KIAA1328: variants seen among roughly 807,000 people sequenced by gnomAD.
The protein encoded by KIAA1328 is KIAA1328.
KIAA1328 carries 52 observed loss-of-function variants against 68.1 expected under a neutral mutation model. That is an observed-to-expected ratio of 0.76 (90% CI 0.61 to 0.96). KIAA1328 has a LOEUF of 0.96. Among genes scored for constraint, KIAA1328 ranks in the 40% least tolerant of loss-of-function variants. The pLI is 0.00. For missense variants in KIAA1328, 641 were observed against 677.6 expected (o/e 0.95, Z 0.60); for synonymous variants, 232 against 239.4 (o/e 0.97, Z 0.28).
At position 36,829,209 on chromosome 18, in the gene KIAA1328, C is replaced by A; in HGVS notation, c.58+13C>A. On this transcript the variant is annotated intron_variant, in intron 1 of 9. Coordinates refer to ENST00000280020, the MANE Select transcript of KIAA1328 (RefSeq NM_020776.3). ...TGGAGCCGGGACTGTATCCTTTGCCCGCCTGACAGGGGGCGCCGGCGCCCT... is the reference window on the plus strand; with the variant it reads ...TGGAGCCGGGACTGTATCCTTTGCCAGCCTGACAGGGGGCGCCGGCGCCCT... 1.3e-6 allele frequency: 2 copies of A among 1,514,078 alleles called. No individual in the cohort carries two copies. Among genetic ancestry groups the A allele is most frequent in the Non-Finnish European group, 1.8e-6 (2 of 1,133,016 alleles). The allele number at this position is 1,514,078 out of a possible 1,614,324, so 93.8% of individuals were successfully genotyped here. A position where few individuals can be genotyped will look rare whatever the true frequency, so the allele number is the denominator to read the frequency against.
intron 6 of KIAA1328, among the ~76,000 whole-genome samples, chr18:37,062,433 T>G (rs2151714734): frequency 6.6e-6 from 1 of 150,392 alleles, no homozygotes; most frequent in East Asian, 1.9e-4. Flanking sequence ...TAGATGTGGT[T>G]TTTTTTGTTT....
At chr18:36,856,263 G>A (rs930445968) in intron 4 of KIAA1328, among the ~76,000 whole-genome samples, 3 of 151,932 alleles carry the variant, frequency 2.0e-5, no homozygotes, top group Admixed American at 1.3e-4. Context: ...CTTCAGGTAT[G>A]CCTTTTTGCC....
At chr18:36,831,759 C>A (rs2046500691) in intron 1 of KIAA1328, among the ~76,000 whole-genome samples, 1 of 152,040 alleles carries the variant, frequency 6.6e-6, no homozygotes, top group Admixed American at 6.6e-5. Context: ...GTATTGCTGG[C>A]AAAACTCAGC....
intron 6 of KIAA1328, among the ~76,000 whole-genome samples, chr18:37,038,149 C>T (rs1358221204): frequency 2.0e-5 from 3 of 151,904 alleles, no homozygotes; most frequent in East Asian, 1.9e-4. Context: ...ATGTCAAACA[C>T]GCCTAGCCCA....
intron 6 of KIAA1328, chr18:37,063,560 C>A (rs72890598): frequency 0.13 from 102,720 of 810,186 alleles, 7,049 homozygotes; most frequent in Non-Finnish European, 0.13. Flanking sequence ...ATAAAAGTTG[C>A]GTACACTAGG....
intron 6 of KIAA1328, among the ~76,000 whole-genome samples, chr18:37,017,489 G>T (rs1056717799): frequency 6.6e-6 from 1 of 152,068 alleles, no homozygotes; most frequent in Non-Finnish European, 1.5e-5. Context: ...AATTGTTCAG[G>T]TGTGAAGTTT....
chr18:37,005,941 G>A (rs1000744091), intron 6 of KIAA1328, among the ~76,000 whole-genome samples: 2 of 152,048 alleles, frequency 1.3e-5, no homozygotes, highest in Non-Finnish European at 2.9e-5. Flanking sequence ...GATAAGAGAC[G>A]GAATGGTGAG....
Position 36,925,280 on chromosome 18 carries a change from C to T in KIAA1328, c.449-34028C>T, listed in dbSNP as rs556455859. On this transcript the variant is annotated intron_variant, in intron 5 of 9. Coordinates refer to ENST00000280020, the MANE Select transcript of KIAA1328 (RefSeq NM_020776.3). Reference sequence around the variant, plus strand: ...AAAGATATATAATGGCAGAATACTACGGATTCTGGAGGACCCACTGGAATT... The same window carrying T: ...AAAGATATATAATGGCAGAATACTATGGATTCTGGAGGACCCACTGGAATT... Among the ~76,000 whole-genome samples, 12 of 152,016 alleles carry T rather than the reference C, an allele frequency of 7.9e-5. No homozygotes were observed. The East Asian group carries it at 2.1e-3, about 27-fold the overall frequency.
rs369953204 is a variant in KIAA1328 at position 37,081,107 on chromosome 18, G to A, written c.1232+13562G>A. ...GCAATTCTCCTGCCTCAGCCTCCCCGAGTAGCTGGGATTGCAGGCACGCAC... is the reference window on the plus strand; with the variant it reads ...GCAATTCTCCTGCCTCAGCCTCCCCAAGTAGCTGGGATTGCAGGCACGCAC... On this transcript the variant is annotated intron_variant, in intron 7 of 9. Transcript: ENST00000280020. 1.4e-3 allele frequency among the ~76,000 whole-genome samples: 214 copies of A among 151,952 alleles called. 1 individual carries two copies. Among genetic ancestry groups the A allele is most frequent in the Admixed American group, 3.8e-3 (58 of 15,256 alleles).
chr18:36,841,660 A>G (rs1367229474), intron 3 of KIAA1328, among the ~76,000 whole-genome samples: 2 of 152,128 alleles, frequency 1.3e-5, no homozygotes, highest in African/African-American at 2.4e-5. Context: ...TGTCTCAACA[A>G]CTCAACTCTG....
intron 7 of KIAA1328, among the ~76,000 whole-genome samples, chr18:37,154,490 T>G (rs969101821): frequency 6.6e-6 from 1 of 152,138 alleles, no homozygotes; most frequent in African/African-American, 2.4e-5. Context: ...TTTCCATCCT[T>G]TGTTTTCCAT....
chr18:36,949,597 T>TCCCCCC (rs71168248), intron 5 of KIAA1328, among the ~76,000 whole-genome samples: 79 of 57,348 alleles, frequency 1.4e-3, no homozygotes, highest in African/African-American at 1.7e-3. Context: ...TCTACCCAGC[T>TCCCCCC]CCCCCCCCCC....
intron 5 of KIAA1328, among the ~76,000 whole-genome samples, chr18:36,894,177 C>T (rs1012779367): frequency 2.0e-5 from 3 of 152,028 alleles, no homozygotes; most frequent in Admixed American, 6.6e-5. Flanking sequence ...TAGCAGTGAA[C>T]GATACAAATA....
intron 4 of KIAA1328, among the ~76,000 whole-genome samples, chr18:36,864,760 C>T (rs1000672914): frequency 2.0e-5 from 3 of 151,902 alleles, no homozygotes; most frequent in Non-Finnish European, 2.9e-5. Flanking sequence ...GTTAATATAA[C>T]TTTTTAGTTA....
At chr18:37,019,645 CA>C (rs1316316503) in intron 6 of KIAA1328, among the ~76,000 whole-genome samples, 1 of 152,186 alleles carries the variant, frequency 6.6e-6, no homozygotes, top group Admixed American at 6.5e-5. Flanking sequence ...ACTCTTAATC[CA>C]AGTGGGTGTT....
intron 6 of KIAA1328, among the ~76,000 whole-genome samples, chr18:36,994,736 C>T (rs941583138): frequency 6.6e-6 from 1 of 151,998 alleles, no homozygotes; most frequent in Non-Finnish European, 1.5e-5. Flanking sequence ...TTTTAAAGAC[C>T]TTTTAATAGC....
intron 7 of KIAA1328, among the ~76,000 whole-genome samples, chr18:37,112,272 A>G (rs1463524245): frequency 6.6e-6 from 1 of 152,170 alleles, no homozygotes; most frequent in African/African-American, 2.4e-5. Context: ...GACACCTCCC[A>G]ATAGGAGCCG....
intron 4 of KIAA1328, among the ~76,000 whole-genome samples, chr18:36,863,680 T>G (rs1462902903): frequency 6.6e-6 from 1 of 152,178 alleles, no homozygotes; most frequent in Non-Finnish European, 1.5e-5. Context: ...TTTAGGTCTT[T>G]GATTTCTTAC....
intron 7 of KIAA1328, among the ~76,000 whole-genome samples, chr18:37,080,347 C>G (rs1337280569): frequency 6.6e-6 from 1 of 152,102 alleles, no homozygotes. Context: ...GAGTTATTTG[C>G]TTTCTGGCTT....
Sources: gnomAD v4.1 joint callset for allele counts (sites outside exome capture counted in the v4.1 genomes callset) on GRCh38, gnomAD v4.1.1 for gene constraint, MANE v1.5 for transcripts, NCBI Gene and HGNC (gene_info 2026-07-23, HGNC 2026-07-21) for gene names.